The following LRRC9 variants were observed in gnomAD, a reference collection of about 807,000 sequenced individuals.
LRRC9 encodes the protein leucine-rich repeat-containing protein 9.
A neutral mutation model predicts 63.2 loss-of-function variants in LRRC9; 122 were observed. That is an observed-to-expected ratio of 1.93 (90% CI 1.67 to 2.24). LRRC9 has a LOEUF of 2.24. Ranked by LOEUF, LRRC9 falls within the 30% of genes most tolerant of loss-of-function variation. The pLI is 0.00. For missense variants in LRRC9, 1,071 were observed against 627.7 expected (o/e 1.71, Z -7.55); for synonymous variants, 366 against 213.1 (o/e 1.72, Z -6.25).
At chr14:59,944,538 G>A in intron 7 of LRRC9, 51 bp from the exon 8 acceptor site, 1 of 529,272 alleles carries the variant, frequency 1.9e-6, no homozygotes, top group Non-Finnish European at 3.3e-6. Context: ...ACTAACAATT[G>A]CCTATAATTT....
chr14:60,052,968 C>T, intron 29 of LRRC9, 97 bp from the exon 30 acceptor site: 2 of 551,934 alleles, frequency 3.6e-6, no homozygotes, highest in South Asian at 2.7e-5. Context: ...TATTATTTGT[C>T]CTCTTTGTTG....
In LRRC9 at chr14:59,922,645, A is replaced by G. The variant is rs1888883953; in HGVS notation, c.-34+2762A>G. Among the ~76,000 whole-genome samples the G allele has an allele frequency of 6.6e-6, 1 of 152,212 alleles. No homozygotes were observed. The highest frequency in any genetic ancestry group is 1.9e-4 in the East Asian group (1 of 5,204). ...CCTACTAAGACAGGAGTCAGAAGGG[A>G]AAGAAAAATACGTCTTTGAGAGGAG... On this transcript the variant is annotated intron_variant, in intron 1 of 31. Transcript: ENST00000445360. The surrounding 1 kb of genome is among the most constrained non-coding windows in gnomAD (Gnocchi z 5.3).
intron 10 of LRRC9, among the ~76,000 whole-genome samples, chr14:59,961,861 A>T (rs1884380749): frequency 6.6e-6 from 1 of 152,240 alleles, no homozygotes; most frequent in African/African-American, 2.4e-5. Flanking sequence ...AAACAGAGAA[A>T]GATTGCTCTA....
intron 12 of LRRC9, among the ~76,000 whole-genome samples, chr14:59,967,853 C>T (rs1885022579): frequency 6.6e-6 from 1 of 152,174 alleles, no homozygotes; most frequent in Non-Finnish European, 1.5e-5. Context: ...GACTTCACCT[C>T]TCTGTTAATC....
intron 8 of LRRC9, among the ~76,000 whole-genome samples, chr14:59,956,905 T>C (rs1388054300): frequency 6.6e-6 from 1 of 152,228 alleles, no homozygotes; most frequent in Non-Finnish European, 1.5e-5. Context: ...TTTGGCTGGA[T>C]ACAAAATTCT....
At chr14:59,974,472 T>C (rs962548296) in intron 12 of LRRC9, 104 bp from the exon 13 acceptor site, 2 of 431,684 alleles carry the variant, frequency 4.6e-6, no homozygotes, top group African/African-American at 4.1e-5. Context: ...GGCCTGCAGA[T>C]TTCTTTGCCC....
intron 29 of LRRC9, among the ~76,000 whole-genome samples, chr14:60,044,840 T>C (rs367771252): frequency 6.6e-6 from 1 of 152,202 alleles, no homozygotes; most frequent in East Asian, 1.9e-4. Flanking sequence ...TGTTTCTTTA[T>C]TAACGTTCTG....
Position 60,040,343 on chromosome 14 carries a change from T to C in LRRC9, c.3990+8280T>C, listed in dbSNP as rs547832047. Among the ~76,000 whole-genome samples the C allele has an allele frequency of 5.9e-4, 89 of 152,052 alleles. 4 individuals are homozygous for C. In the Middle Eastern group the frequency reaches 0.02, roughly 35 times the overall value. ...TAACTTTCTGTCTCGTTGATCTGTC[T>C]AATGTTGACAGTGGGGTGTTAAAGT... On this transcript the variant is annotated intron_variant, in intron 29 of 31. Coordinates refer to ENST00000445360, the Ensembl canonical transcript of LRRC9.
chr14:60,056,673 T>C (rs1294060247), intron 30 of LRRC9, among the ~76,000 whole-genome samples: 1 of 152,180 alleles, frequency 6.6e-6, no homozygotes, highest in African/African-American at 2.4e-5. Context: ...TATATATGGT[T>C]AGTAAAATAA....
At chr14:59,982,365 C>T (rs1300038488) in intron 16 of LRRC9, among the ~76,000 whole-genome samples, 4 of 152,058 alleles carry the variant, frequency 2.6e-5, no homozygotes. Flanking sequence ...TTTTCTATTT[C>T]TATAACAAAA....
At chr14:59,996,247 A>G (rs1242845523) in intron 17 of LRRC9, among the ~76,000 whole-genome samples, 1 of 151,990 alleles carries the variant, frequency 6.6e-6, no homozygotes, top group African/African-American at 2.4e-5. Context: ...ACTGCCAAAT[A>G]TCCTTTCGTT....
At position 60,051,165 on chromosome 14, in the gene LRRC9, C is replaced by T. The variant is rs1893858692; in HGVS notation, c.3991-1900C>T. Among the ~76,000 whole-genome samples, 1 of 152,154 alleles carries T rather than the reference C, an allele frequency of 6.6e-6. No homozygotes were observed. Among genetic ancestry groups the T allele is most frequent in the East Asian group, 1.9e-4 (1 of 5,186 alleles). Reference sequence around the variant, plus strand: ...CCGGACCTCCTGGACTCTCCAGAGCCAGCAGGCTGGAAAAGCTGAGTCAAC... The same window carrying T: ...CCGGACCTCCTGGACTCTCCAGAGCTAGCAGGCTGGAAAAGCTGAGTCAAC... On this transcript the variant is annotated intron_variant, in intron 29 of 31. Transcript: ENST00000445360. The surrounding 1 kb of genome is among the most constrained non-coding windows in gnomAD (Gnocchi z 4.7).
intron 6 of LRRC9, among the ~76,000 whole-genome samples, chr14:59,934,121 A>T (rs923402212): frequency 2.0e-5 from 3 of 152,034 alleles, no homozygotes. Flanking sequence ...GAGACTATGA[A>T]TTGGAGTGTT....
chr14:60,040,254 G>C (rs1009820785), intron 29 of LRRC9, among the ~76,000 whole-genome samples: 3 of 151,966 alleles, frequency 2.0e-5, no homozygotes, highest in African/African-American at 7.3e-5. Flanking sequence ...GCAGTGGAGA[G>C]TTCTGTAGAT....
chr14:60,032,048 A>G (rs1188005823), exon 29 of LRRC9: 1 of 700,070 alleles, frequency 1.4e-6, no homozygotes, highest in Non-Finnish European at 2.6e-6. Context: ...GGGAGCTTAC[A>G]GTGTATGGCA....
intron 26 of LRRC9, among the ~76,000 whole-genome samples, chr14:60,019,777 G>C (rs1436022432): frequency 6.6e-6 from 1 of 151,390 alleles, no homozygotes; most frequent in African/African-American, 2.4e-5. Context: ...CAATGGAATA[G>C]ATACTTTATG....
At chr14:59,988,277 G>A (rs1566848516) in intron 17 of LRRC9, among the ~76,000 whole-genome samples, 1 of 152,082 alleles carries the variant, frequency 6.6e-6, no homozygotes, top group Non-Finnish European at 1.5e-5. Flanking sequence ...ATAATTTCTA[G>A]GTATTAGAAA....
In LRRC9 at chr14:59,938,599, G is replaced by A. The variant is rs1881304993; in HGVS notation, c.726+27G>A. ...TAAGTACATCCCTAATCAGGCATCT[G>A]TGATTTCAGTTTTATTAGTTAACGG... is the stretch of plus-strand genomic sequence containing the variant. On this transcript the variant is annotated intron_variant, in intron 7 of 31. Coordinates refer to ENST00000445360, the Ensembl canonical transcript of LRRC9. The surrounding 1 kb of genome is among the most constrained non-coding windows in gnomAD (Gnocchi z 4.2). 3.1e-6 allele frequency: 2 copies of A among 651,936 alleles called. No homozygotes were observed. The highest frequency in any genetic ancestry group is 5.5e-6 in the Non-Finnish European group (2 of 362,326). The allele number at this position is 651,936 out of a possible 1,614,324, so 40.4% of individuals were successfully genotyped here.
At chr14:59,988,004 T>C (rs1259128218) in intron 17 of LRRC9, among the ~76,000 whole-genome samples, 1 of 152,214 alleles carries the variant, frequency 6.6e-6, no homozygotes, top group Non-Finnish European at 1.5e-5. Context: ...CTTAACAATA[T>C]TTGATTATAT....
Sources: allele counts gnomAD v4.1 joint callset (sites outside exome capture counted in the v4.1 genomes callset), GRCh38; gene constraint gnomAD v4.1.1; non-coding constraint Gnocchi (gnomAD v3.1); transcripts MANE v1.5; gene names NCBI Gene and HGNC (gene_info 2026-07-23, HGNC 2026-07-21).